Variants in CDH4 observed in about 807,000 individuals in gnomAD.
The protein encoded by CDH4 is cadherin 4, also known as cadherin-4.
CDH4 carries 33 observed loss-of-function variants against 86.0 expected under a neutral mutation model. The ratio of observed to expected loss-of-function variants is 0.38; its 90% CI spans 0.29 to 0.51. The LOEUF (loss-of-function observed/expected upper bound fraction) is 0.51. Among genes scored for constraint, CDH4 ranks in the 20% least tolerant of loss-of-function variants. The probability of loss-of-function intolerance (pLI) is 0.86; values close to 1 mark genes in which losing one functional copy is unlikely to be tolerated. For missense variants in CDH4, 1,114 were observed against 1,307.4 expected, an observed-to-expected ratio of 0.85 and a Z score of 2.28; for synonymous variants, 555 against 549.4, an observed-to-expected ratio of 1.01 and a Z score of -0.14.
chr20:61,924,308 TC>T (rs750551585), intron 10 of CDH4, 25 bp from the exon 11 acceptor site: 1 of 757,708 alleles, frequency 1.3e-6, no homozygotes, highest in Admixed American at 2.9e-5. Context: ...CAGCCTTACC[TC>T]CCCCTGCACT....
At chr20:61,449,687 T>C (rs1386443984) in intron 2 of CDH4, among the ~76,000 whole-genome samples, 1 of 152,230 alleles carries the variant, frequency 6.6e-6, no homozygotes, top group East Asian at 1.9e-4. Flanking sequence ...TCACCACTGC[T>C]AATATTTTGA....
intron 2 of CDH4, among the ~76,000 whole-genome samples, chr20:61,651,474 C>T (rs2087120415): frequency 6.6e-6 from 1 of 152,218 alleles, no homozygotes; most frequent in Admixed American, 6.5e-5. Context: ...CCCTTATGAC[C>T]GGCAGCCTGT....
intron 6 of CDH4, among the ~76,000 whole-genome samples, chr20:61,869,418 A>G (rs1236257455): frequency 6.6e-6 from 1 of 152,216 alleles, no homozygotes; most frequent in African/African-American, 2.4e-5. Flanking sequence ...AAAGCCTGAC[A>G]TACATACTGT....
intron 2 of CDH4, among the ~76,000 whole-genome samples, chr20:61,691,435 ATG>A (rs1360041591): frequency 4.0e-5 from 6 of 150,538 alleles, no homozygotes; most frequent in Non-Finnish European, 7.4e-5. Context: ...GTGCGTGTGC[ATG>A]TGTGTCTGTG....
intron 2 of CDH4, among the ~76,000 whole-genome samples, chr20:61,521,601 A>C (rs535963313): frequency 2.6e-5 from 4 of 152,338 alleles, no homozygotes; most frequent in Non-Finnish European, 5.9e-5. Context: ...AGAAACCTGA[A>C]TTCAACAAGG....
intron 2 of CDH4, among the ~76,000 whole-genome samples, chr20:61,495,121 T>C (rs1018125851): frequency 2.0e-5 from 3 of 152,194 alleles, no homozygotes; most frequent in African/African-American, 7.2e-5. Flanking sequence ...AACATGATCC[T>C]GTAGGAGCCG....
At position 61,910,605 on chromosome 20, in the gene CDH4, A is replaced by C; in HGVS notation, c.1372A>C (p.Lys458Gln). ...CAACGAGGGCATGGTCACCGTGGTG[A>C]AGGTGCGTACTCTTCTCACACCCTG... ...VTNEGMVTVVKAVDYELNRAF... is the reference protein window; with the variant it reads ...VTNEGMVTVVQAVDYELNRAF... Residue 458 changes from lysine to glutamine, a missense_variant and splice_region_variant, in exon 9 of 16, where the codon AAG (lysine) becomes CAG (glutamine). Transcript: ENST00000614565. 1.2e-6 allele frequency: 2 copies of C among 1,613,132 alleles called. No individual in the cohort carries two copies. The highest frequency in any genetic ancestry group is 1.7e-6 in the Non-Finnish European group (2 of 1,179,622).
chr20:61,340,760 T>G (rs2084645541), intron 2 of CDH4, among the ~76,000 whole-genome samples: 1 of 152,108 alleles, frequency 6.6e-6, no homozygotes, highest in Non-Finnish European at 1.5e-5. Context: ...GATTTTTTAT[T>G]TTAGAGACGA....
rs201966190 is a variant in CDH4, at chr20:61,666,798, T to G, written c.170-76765T>G. Among the ~76,000 whole-genome samples, 24 of 152,348 alleles carry G rather than the reference T, an allele frequency of 1.6e-4. No individual in the cohort carries two copies. In the East Asian group the frequency reaches 4.6e-3, roughly 29 times the overall value. ...TCTGCCGGCCACAGTGGCAGGAAGC[T>G]GCTCACAGCTCACTGTCAGGAAAGG... On this transcript the variant is annotated intron_variant, in intron 2 of 15. Transcript: ENST00000614565.
At chr20:61,348,082 A>G (rs1469990677) in intron 2 of CDH4, among the ~76,000 whole-genome samples, 1 of 152,142 alleles carries the variant, frequency 6.6e-6, no homozygotes, top group Non-Finnish European at 1.5e-5. Flanking sequence ...GCATTCCTAC[A>G]TTTGGAGAGA....
chr20:61,682,609 G>C (rs2087529398), intron 2 of CDH4, among the ~76,000 whole-genome samples: 1 of 152,104 alleles, frequency 6.6e-6, no homozygotes, highest in Admixed American at 6.5e-5. Context: ...GGGTGGAAAA[G>C]TGGAAGGGAG....
At chr20:61,295,398 G>C (rs2084346728) in intron 2 of CDH4, among the ~76,000 whole-genome samples, 1 of 152,228 alleles carries the variant, frequency 6.6e-6, no homozygotes, top group Admixed American at 6.5e-5. Context: ...ACCCCGCTCT[G>C]TTGTCTGCCA....
intron 4 of CDH4, among the ~76,000 whole-genome samples, chr20:61,834,096 C>G (rs560531776): frequency 6.6e-6 from 1 of 152,312 alleles, no homozygotes; most frequent in African/African-American, 2.4e-5. Context: ...TGGGATGGTT[C>G]CCCCACACAG....
intron 2 of CDH4, among the ~76,000 whole-genome samples, chr20:61,467,824 A>G (rs1295252910): frequency 6.6e-6 from 1 of 152,142 alleles, no homozygotes; most frequent in African/African-American, 2.4e-5. Flanking sequence ...AGATTCCCCA[A>G]ACCACCCTTG....
Position 61,753,770 on chromosome 20 carries a change from G to A in CDH4, c.396+9981G>A, listed in dbSNP as rs533847796. Among the ~76,000 whole-genome samples, 9 of 152,322 alleles carry A rather than the reference G, an allele frequency of 5.9e-5. No individual in the cohort carries two copies. In the East Asian group the frequency reaches 9.6e-4, roughly 16 times the overall value. On this transcript the variant is annotated intron_variant, in intron 3 of 15. Transcript: ENST00000614565. ...AGCGTTTATGAGGATGAACTCGGCC[G>A]AGCAATGTCCCACGGCCAGGCGGGT...
intron 8 of CDH4, among the ~76,000 whole-genome samples, chr20:61,899,513 C>T (rs74456314): frequency 0.052 from 7,901 of 152,074 alleles, 768 homozygotes; most frequent in East Asian, 0.44. Context: ...CTGCAACCTC[C>T]GCCTCCTGGG....
chr20:61,497,502 ATGAGATACCATCTC>A, intron 2 of CDH4, among the ~76,000 whole-genome samples: 1 of 152,352 alleles, frequency 6.6e-6, no homozygotes, highest in East Asian at 1.9e-4. Flanking sequence ...CAAAACCACA[ATGAGATACCATCTC>A]ACACCAGTTA....
At chr20:61,475,154 T>C (rs2085527080) in intron 2 of CDH4, among the ~76,000 whole-genome samples, 1 of 152,230 alleles carries the variant, frequency 6.6e-6, no homozygotes, top group African/African-American at 2.4e-5. Context: ...GGGGCATGTG[T>C]TACACTTTTT....
chr20:61,395,793 C>A lies in CDH4; in HGVS notation c.169+140856C>A, dbSNP rs1005716031. Among the ~76,000 whole-genome samples the A allele has an allele frequency of 4.6e-5, 7 of 152,136 alleles. 1 individual carries two copies. Among genetic ancestry groups the A allele is most frequent in the African/African-American group, 1.2e-4 (5 of 41,430 alleles). ...ACTCTGTTTCAAATAAAAAATGTTGCTAGTATTCTAAACACTTAGGTTTTA... is the reference window on the plus strand; with the variant it reads ...ACTCTGTTTCAAATAAAAAATGTTGATAGTATTCTAAACACTTAGGTTTTA... On this transcript the variant is annotated intron_variant, in intron 2 of 15. Coordinates refer to ENST00000614565, the MANE Select transcript of CDH4 (RefSeq NM_001794.5).
Sources: gnomAD v4.1 joint callset for allele counts (sites outside exome capture counted in the v4.1 genomes callset) on GRCh38, gnomAD v4.1.1 for gene constraint, MANE v1.5 for transcripts, NCBI Gene and HGNC (gene_info 2026-07-23, HGNC 2026-07-21) for gene names.